TMEM44: variants seen among roughly 807,000 people sequenced by gnomAD.
TMEM44 encodes transmembrane protein 44.
A neutral mutation model predicts 47.8 loss-of-function variants in TMEM44; 43 were observed. The ratio of observed to expected loss-of-function variants is 0.90; its 90% CI spans 0.70 to 1.16. The LOEUF (loss-of-function observed/expected upper bound fraction) is 1.16. Among genes scored for constraint, TMEM44 ranks in the 50% most tolerant of loss-of-function variants. The pLI, the probability that TMEM44 is intolerant of heterozygous loss-of-function variation, is 0.00. For missense variants in TMEM44, 568 were observed against 555.2 expected, an observed-to-expected ratio of 1.02 and a Z score of -0.23; for synonymous variants, 277 against 238.8, an observed-to-expected ratio of 1.16 and a Z score of -1.48.
intron 8 of TMEM44, among the ~76,000 whole-genome samples, chr3:194,607,340 A>G (rs1714887963): frequency 1.3e-5 from 2 of 152,172 alleles, no homozygotes; most frequent in Admixed American, 1.3e-4. Flanking sequence ...TATTCTTTCT[A>G]AATTACCCAG....
intron 9 of TMEM44, 90 bp from the exon 10 acceptor site, chr3:194,588,729 C>T: frequency 7.7e-7 from 1 of 1,300,006 alleles, no homozygotes; most frequent in South Asian, 1.2e-5. Context: ...AAGCTCCAAT[C>T]TTGGTTCTCA....
chr3:194,617,345 G>A (rs1716026365), intron 5 of TMEM44, 76 bp from the exon 6 acceptor site: 10 of 1,431,316 alleles, frequency 7.0e-6, no homozygotes, highest in East Asian at 2.6e-5. Context: ...GGCACAGCAG[G>A]TTGCGGGGCA....
At chr3:194,589,892 G>A (rs1272123141) in intron 9 of TMEM44, 1 of 152,000 alleles carries the variant, frequency 6.6e-6, no homozygotes, top group Non-Finnish European at 1.5e-5. Context: ...GATCAGCAAC[G>A]AGATAAGAAG....
chr3:194,594,179 G>GTCTA (rs1713131096), intron 9 of TMEM44, among the ~76,000 whole-genome samples: 1 of 77,108 alleles, frequency 1.3e-5, no homozygotes. Context: ...CTATCTATCT[G>GTCTA]TGTATGATGG....
rs963354429 is a variant in TMEM44, at chr3:194,611,842, T to C, written c.913-822A>G. Among the ~76,000 whole-genome samples, 1 of 151,990 alleles carries C rather than the reference T, an allele frequency of 6.6e-6. No homozygotes were observed. Among genetic ancestry groups the C allele is most frequent in the Non-Finnish European group, 1.5e-5 (1 of 68,002 alleles). ...TGCGAGACCAGCCTGGTCAACATAG[T>C]GAAACCCTGTCTCTACTAAAAATAC... On this transcript the variant is annotated intron_variant, in intron 7 of 9. Coordinates refer to ENST00000347147, the MANE Select transcript of TMEM44 (RefSeq NM_001011655.3). The surrounding 1 kb of genome is among the most constrained non-coding windows in gnomAD (Gnocchi z 4.2).
chr3:194,632,310 C>A (rs1023819365), intron 1 of TMEM44, among the ~76,000 whole-genome samples: 5 of 152,188 alleles, frequency 3.3e-5, no homozygotes, highest in African/African-American at 1.2e-4. Flanking sequence ...AGGAGAATAT[C>A]CACTGAGTGC....
chr3:194,591,260 A>AG (rs1476503985), intron 9 of TMEM44, among the ~76,000 whole-genome samples: 1 of 152,016 alleles, frequency 6.6e-6, no homozygotes, highest in Non-Finnish European at 1.5e-5. Context: ...TGGGAGGCTG[A>AG]GGCGGGTGGA....
chr3:194,626,120 A>G, intron 2 of TMEM44, 130 bp from the exon 3 acceptor site: 6 of 678,560 alleles, frequency 8.8e-6, no homozygotes, highest in Middle Eastern at 6.8e-4. Context: ...TCCTCCAGGG[A>G]CACCTCCTGC....
At chr3:194,620,526 A>G (rs1021766070) in intron 5 of TMEM44, among the ~76,000 whole-genome samples, 2 of 152,198 alleles carry the variant, frequency 1.3e-5, no homozygotes, top group Non-Finnish European at 2.9e-5. Context: ...GTGGGAAATG[A>G]CACAGACAAG....
intron 9 of TMEM44, among the ~76,000 whole-genome samples, chr3:194,599,312 T>C (rs1401132379): frequency 2.0e-5 from 3 of 152,148 alleles, no homozygotes. Context: ...AAAATCCCAC[T>C]GGCAGAAAAT....
At chr3:194,594,088 A>G (rs1713078742) in intron 9 of TMEM44, among the ~76,000 whole-genome samples, 1 of 145,726 alleles carries the variant, frequency 6.9e-6, no homozygotes, top group Non-Finnish European at 1.5e-5. Flanking sequence ...CTGGGATTAC[A>G]GGCATGAGCC....
rs1484953648 is a variant in TMEM44 at position 194,588,278 on chromosome 3, C to T, written c.*251G>A. 4 of 468,302 alleles carry T rather than the reference C, an allele frequency of 8.5e-6. No individual in the cohort carries two copies. Among genetic ancestry groups the T allele is most frequent in the African/African-American group, 8.2e-5 (4 of 48,990 alleles). 29.0% of individuals were successfully genotyped at this position (468,302 alleles called of 1,614,324 possible). ...GATCCTTTGGATTATCTTTACGAAGCAAAAGCTTCTGTGAACTGTGATCTT... is the reference window on the plus strand; with the variant it reads ...GATCCTTTGGATTATCTTTACGAAGTAAAAGCTTCTGTGAACTGTGATCTT... On this transcript the variant is annotated 3_prime_UTR_variant, in exon 10 of 10. Coordinates refer to ENST00000347147, the MANE Select transcript of TMEM44 (RefSeq NM_001011655.3).
chr3:194,620,610 A>G (rs1037195911), intron 5 of TMEM44, among the ~76,000 whole-genome samples: 3 of 152,164 alleles, frequency 2.0e-5, no homozygotes, highest in African/African-American at 7.2e-5. Context: ...GGCACATTTC[A>G]GGTTGTTACA....
rs182680094 is a variant in TMEM44 at position 194,597,769 on chromosome 3, C to A, written c.1176+6518G>T. On this transcript the variant is annotated intron_variant, in intron 9 of 9. Coordinates refer to ENST00000347147, the MANE Select transcript of TMEM44 (RefSeq NM_001011655.3). ...TCCCTGCTGTCACACATACCCCTGA[C>A]CCATTTAGGTAAAAACAACAGTGAA... Among the ~76,000 whole-genome samples, 445 of 152,278 alleles carry A rather than the reference C, an allele frequency of 2.9e-3. 3 individuals are homozygous for A. Among genetic ancestry groups the A allele is most frequent in the Non-Finnish European group, 2.7e-3 (181 of 68,034 alleles).
Position 194,588,616 on chromosome 3 carries a change from G to A in TMEM44, c.1200C>T (p.Leu400=), listed in dbSNP as rs1712157362. The A allele has an allele frequency of 7.4e-6, 12 of 1,614,104 alleles. No homozygotes were observed. The highest frequency in any genetic ancestry group is 6.7e-5 in the African/African-American group (5 of 75,000). The change falls in exon 10 of 10, where the codon CTC becomes CTT. Residue 400 remains leucine (L), a synonymous_variant. Coordinates refer to ENST00000347147, the MANE Select transcript of TMEM44 (RefSeq NM_001011655.3). ...GCTCCACATTTTCTTTGCTGCCTTC[G>A]AGGTTCACATCTTCAGGGTCCCACT... is the stretch of plus-strand genomic sequence containing the variant. ...DLEWDPEDVN[L]EGSKENVELL...
chr3:194,625,439 G>GA, intron 3 of TMEM44, among the ~76,000 whole-genome samples: 1 of 128,306 alleles, frequency 7.8e-6, no homozygotes, highest in Non-Finnish European at 1.7e-5. Context: ...TTGGGGGGGG[G>GA]GGGTTGTTTT....
intron 7 of TMEM44, among the ~76,000 whole-genome samples, chr3:194,614,820 T>C (rs902490583): frequency 3.9e-5 from 6 of 152,254 alleles, no homozygotes; most frequent in Non-Finnish European, 7.3e-5. Context: ...TCCATCTACA[T>C]TGCTAAAAAT....
rs762040855 is a variant in TMEM44 at position 194,623,261 on chromosome 3, C to T, written c.575G>A (p.Gly192Asp). 8.1e-6 allele frequency: 13 copies of T among 1,611,814 alleles called. 1 individual carries two copies. The highest frequency in any genetic ancestry group is 1.7e-5 in the Admixed American group (1 of 59,664). Reference protein sequence around the residue: ...GYLLGSVAAFGSWASRIPPLS... With the variant: ...GYLLGSVAAFDSWASRIPPLS... ...AGGGGGGATCCGAGAAGCCCAGGAG[C>T]CAAAGGCAGCAACGCTACCCAGCAG... The change falls in exon 5 of 10, where the codon GGC becomes GAC. Residue 192 changes from glycine (G) to aspartate (D), a missense_variant. Physicochemically the swap from Gly to Asp is moderately conservative, Grantham distance 94 (BLOSUM62 -1). Transcript: ENST00000347147.
At chr3:194,628,650 G>C (rs1717439258) in intron 1 of TMEM44, 141 bp from the exon 2 acceptor site, 3 of 1,037,956 alleles carry the variant, frequency 2.9e-6, no homozygotes, top group African/African-American at 3.3e-5. Context: ...TTTGAACTGA[G>C]TTTACAGATG....
Sources: allele counts gnomAD v4.1 joint callset (sites outside exome capture counted in the v4.1 genomes callset), GRCh38; gene constraint gnomAD v4.1.1; non-coding constraint Gnocchi (gnomAD v3.1); transcripts MANE v1.5; gene names NCBI Gene and HGNC (gene_info 2026-07-23, HGNC 2026-07-21).